The following ENGASE variants were observed in gnomAD, a reference collection of about 807,000 sequenced individuals.
The protein encoded by ENGASE is cytosolic endo-beta-N-acetylglucosaminidase.
In ENGASE, 69 loss-of-function variants were observed where a neutral mutation model predicts 78.5. The observed-to-expected ratio is 0.88, with a 90% confidence interval of 0.72 to 1.07. The LOEUF is 1.07. Ranked by LOEUF, ENGASE falls within the 50% of genes least tolerant of loss-of-function variation. The pLI is 0.00. For missense variants in ENGASE, 943 were observed against 988.4 expected (o/e 0.95, Z 0.62); for synonymous variants, 408 against 408.9 (o/e 1.00, Z 0.03).
At position 79,085,699 on chromosome 17, in the gene ENGASE, G is replaced by A; in HGVS notation, c.1780G>A (p.Glu594Lys). The change falls in exon 13 of 14, where the codon GAG becomes AAG. Residue 594 changes from glutamate to lysine, a missense_variant. Transcript: ENST00000579016. Reference sequence around the variant, plus strand: ...CTCACGGCCGCCGGGTAGTCGGGAGGAGGAGAGCTTCACCTGTCGGCTTGG... The same window carrying A: ...CTCACGGCCGCCGGGTAGTCGGGAGAAGGAGAGCTTCACCTGTCGGCTTGG... The part of the protein sequence containing the change: ...CFSRPPGSRE[E>K]ESFTCRLGEI... The A allele has an allele frequency of 3.1e-6, 5 of 1,613,964 alleles. No individual in the cohort carries two copies. The highest frequency in any genetic ancestry group is 1.7e-4 in the Middle Eastern group (1 of 6,060).
In ENGASE at chr17:79,085,246, C is replaced by G. The variant is rs1041034632; in HGVS notation, c.1604C>G (p.Ser535Ter). Residue 535 changes from serine (S) to a stop codon, truncating the protein, a stop_gained, in exon 12 of 14, where the codon TCA (serine) becomes TGA (stop). Transcript: ENST00000579016. LOFTEE classifies it high-confidence loss of function. ...GISVLNAETS[S>*]RHSLRPLRVP... ...TCTCCTTCTGCAGCAGAAACAAGCT[C>G]AAGACACAGCCTCCGACCCCTCCGG... 6.2e-7 allele frequency: 1 copy of G among 1,613,436 alleles called. No individual in the cohort carries two copies. Among genetic ancestry groups the G allele is most frequent in the Middle Eastern group, 1.6e-4 (1 of 6,062 alleles).
intron 13 of ENGASE, 45 bp from the exon 14 acceptor site, chr17:79,085,888 C>T (rs758412920): frequency 1.3e-6 from 2 of 1,573,760 alleles, no homozygotes; most frequent in Admixed American, 1.7e-5. Flanking sequence ...GCACCCTCTC[C>T]CCGCCCCCGG....
At position 79,087,422 on chromosome 17, in the gene ENGASE, T is replaced by G; in HGVS notation, c.*1073T>G. The G allele has an allele frequency of 9.1e-6, 2 of 220,854 alleles. No individual in the cohort carries two copies. The highest frequency in any genetic ancestry group is 1.9e-5 in the Non-Finnish European group (2 of 106,760). The allele number at this position is 220,854 out of a possible 1,614,324, so 13.7% of individuals were successfully genotyped here. A position where few individuals can be genotyped will look rare whatever the true frequency, so the allele number is the denominator to read the frequency against. On this transcript the variant is annotated 3_prime_UTR_variant, in exon 14 of 14. Coordinates refer to ENST00000579016, the MANE Select transcript of ENGASE (RefSeq NM_001042573.3). The stretch of plus-strand genomic sequence containing the variant: ...CACCACAGGCGCCTTCCTCTGTCCT[T>G]CCTGCTCTTTCTTCTCTGCCCAGGC...
In ENGASE at chr17:79,077,462, G is replaced by C. The variant is rs201772444; in HGVS notation, c.179G>C (p.Arg60Pro). 8 of 1,577,630 alleles carry C rather than the reference G, an allele frequency of 5.1e-6. No individual in the cohort carries two copies. In the South Asian group the frequency reaches 7.1e-5, roughly 14 times the overall value. ...IKDEEEETVF[R>P]EVVSFSPDPL... is the part of the protein sequence containing the mutation. ...GATGAAGAAGAAGAGACAGTCTTTC[G>C]AGAGGTGGTCAGTTTTTCCCCGGAC... Residue 60 changes from arginine (R) to proline (P), a missense_variant, in exon 2 of 14, where the codon CGA becomes CCA. Physicochemically the swap from Arg to Pro is moderately radical, Grantham distance 103. Transcript: ENST00000579016.
In ENGASE at chr17:79,074,988, G is replaced by A; in HGVS notation, c.44G>A (p.Arg15Gln). The A allele has an allele frequency of 8.1e-7, 1 of 1,229,818 alleles. No individual in the cohort carries two copies. Among genetic ancestry groups the A allele is most frequent in the Non-Finnish European group, 1.0e-6 (1 of 985,498 alleles). 76.2% of individuals were successfully genotyped at this position (1,229,818 alleles called of 1,614,324 possible). Residue 15 changes from arginine (R) to glutamine (Q), a missense_variant, in exon 1 of 14, where the codon CGG becomes CAG. By Grantham distance (43) the Arg-to-Gln change is conservative (BLOSUM62 1). Coordinates refer to ENST00000579016, the MANE Select transcript of ENGASE (RefSeq NM_001042573.3). ...AVTVTRSATR[R>Q]RRRQLQGLAA... ...ACGGTCACCCGGTCGGCTACACGGC[G>A]GCGGCGGCGGCAGCTGCAGGGGCTG...
chr17:79,087,220 C>G lies in ENGASE; in HGVS notation c.*871C>G. 1 of 360,384 alleles carries G rather than the reference C, an allele frequency of 2.8e-6. No individual in the cohort carries two copies. Among genetic ancestry groups the G allele is most frequent in the Non-Finnish European group, 5.6e-6 (1 of 179,478 alleles). The allele number at this position is 360,384 out of a possible 1,614,324, so 22.3% of individuals were successfully genotyped here. A position where few individuals can be genotyped will look rare whatever the true frequency, so the allele number is the denominator to read the frequency against. On this transcript the variant is annotated 3_prime_UTR_variant, in exon 14 of 14. Coordinates refer to ENST00000579016, the MANE Select transcript of ENGASE (RefSeq NM_001042573.3). ...CAGGAAGCAGCACCTGCCCCCCGCG[C>G]CAGCCCAGCCCCAGCCTGAGTGCAG...
At position 79,079,608 on chromosome 17, in the gene ENGASE, C is replaced by T; in HGVS notation, c.536C>T (p.Thr179Ile). 1 of 1,613,966 alleles carries T rather than the reference C, an allele frequency of 6.2e-7. No homozygotes were observed. The highest frequency in any genetic ancestry group is 8.5e-7 in the Non-Finnish European group (1 of 1,179,996). ...VTIPPVGWTN[T>I]AHRHGVCVLG... ...ATTCCCCCAGTGGGCTGGACCAACA[C>T]TGCCCACAGGCATGGGGTCTGCGTG... The change falls in exon 4 of 14, where the codon ACT (threonine) becomes ATT (isoleucine). Residue 179 changes from threonine (T) to isoleucine (I), a missense_variant. Coordinates refer to ENST00000579016, the MANE Select transcript of ENGASE (RefSeq NM_001042573.3).
At position 79,086,516 on chromosome 17, in the gene ENGASE, G is replaced by A; in HGVS notation, c.*167G>A. The A allele has an allele frequency of 2.5e-6, 2 of 792,704 alleles. No individual in the cohort carries two copies. The highest frequency in any genetic ancestry group is 3.9e-6 in the Non-Finnish European group (2 of 515,400). 49.1% of individuals were successfully genotyped at this position (792,704 alleles called of 1,614,324 possible). On this transcript the variant is annotated 3_prime_UTR_variant, in exon 14 of 14. Transcript: ENST00000579016. ...CTGAGTGCTGTGGCTTTCTGGTGGG[G>A]GGCGATGGAAACAGGAAACCAAGCA...
rs527984991 is a variant in ENGASE at position 79,081,005 on chromosome 17, G to A, written c.804G>A (p.Val268=). 1.9e-6 allele frequency: 3 copies of A among 1,612,884 alleles called. No individual in the cohort carries two copies. Among genetic ancestry groups the A allele is most frequent in the South Asian group, 1.1e-5 (1 of 91,010 alleles). Residue 268 remains valine, a synonymous_variant, in exon 6 of 14, where the codon GTG becomes GTA. Transcript: ENST00000579016. ...QLHRQVPGGL[V]LWYDSVVQSG... is the part of the protein sequence containing the mutation. ...ACCGGCAGGTCCCAGGGGGCCTGGT[G>A]CTCTGGTATGACAGCGTGGTGCAAA...
chr17:79,082,824 G>A (rs770424184), intron 7 of ENGASE, 196 bp from the exon 8 acceptor site: 7 of 1,518,638 alleles, frequency 4.6e-6, no homozygotes, highest in South Asian at 1.2e-5. Context: ...CCTCTCCCGC[G>A]CCCTCTTCTG....
chr17:79,080,630 G>A (rs547962944), intron 5 of ENGASE, among the ~76,000 whole-genome samples: 3 of 152,264 alleles, frequency 2.0e-5, no homozygotes, highest in East Asian at 1.9e-4. Context: ...TTCCTTTTCC[G>A]CGCTCTGCTC....
At chr17:79,085,524 T>A in intron 12 of ENGASE, 96 bp from the exon 13 acceptor site, 2 of 1,529,572 alleles carry the variant, frequency 1.3e-6, no homozygotes, top group Non-Finnish European at 1.8e-6. Context: ...GACCCTGGGA[T>A]GCATCTCCCT....
Position 79,081,762 on chromosome 17 carries a change from G to GGGGTA in ENGASE, c.873-132_873-131insAGGGT, listed in dbSNP as rs1444599553. Reference sequence around the variant, plus strand: ...AGGCTGAGGCTGTGTGGGGTGGGGTGGGGTGGGGTGGGGTGGGGTGGGGTG... The same window carrying GGGGTA: ...AGGCTGAGGCTGTGTGGGGTGGGGTGGGGTAGGGTGGGGTGGGGTGGGGTGGGGTG... On this transcript the variant is annotated intron_variant, in intron 6 of 13. Coordinates refer to ENST00000579016, the MANE Select transcript of ENGASE (RefSeq NM_001042573.3). 5 of 994,208 alleles carry GGGGTA rather than the reference G, an allele frequency of 5.0e-6. No individual in the cohort carries two copies. The African/African-American group carries it at 8.6e-5, about 17-fold the overall frequency. The allele number at this position is 994,208 out of a possible 1,614,324, so 61.6% of individuals were successfully genotyped here. A position where few individuals can be genotyped will look rare whatever the true frequency, so the allele number is the denominator to read the frequency against.
rs984403630 is a variant in ENGASE at position 79,088,262 on chromosome 17, G to C, written c.*1913G>C. The C allele has an allele frequency of 1.3e-5, 2 of 152,220 alleles. No individual in the cohort carries two copies. Among genetic ancestry groups the C allele is most frequent in the African/African-American group, 4.8e-5 (2 of 41,436 alleles). 9.4% of individuals were successfully genotyped at this position (152,220 alleles called of 1,614,324 possible). Reference sequence around the variant, plus strand: ...CCAGGAAGGGGCTCCTGGCCTCTCTGTGTCCTCTGCAGTGGGGGTTGTGGG... The same window carrying C: ...CCAGGAAGGGGCTCCTGGCCTCTCTCTGTCCTCTGCAGTGGGGGTTGTGGG... On this transcript the variant is annotated 3_prime_UTR_variant, in exon 14 of 14. Transcript: ENST00000579016.
chr17:79,078,706 T>G (rs1052064836), intron 3 of ENGASE, among the ~76,000 whole-genome samples: 1 of 152,192 alleles, frequency 6.6e-6, no homozygotes, highest in Non-Finnish European at 1.5e-5. Context: ...CTGTGATTGA[T>G]GGGAAGGCTT....
Position 79,074,900 on chromosome 17 carries a change from C to T in ENGASE, c.-45C>T, listed in dbSNP as rs762556011. The T allele has an allele frequency of 8.0e-7, 1 of 1,248,060 alleles. No individual in the cohort carries two copies. The allele number at this position is 1,248,060 out of a possible 1,614,324, so 77.3% of individuals were successfully genotyped here. Reference sequence around the variant, plus strand: ...CCATTGGCCGAGCGCGGCGCGGGGGCGGGCCCGGGCCTGCGATTGCCTCTC... The same window carrying T: ...CCATTGGCCGAGCGCGGCGCGGGGGTGGGCCCGGGCCTGCGATTGCCTCTC... On this transcript the variant is annotated 5_prime_UTR_variant, in exon 1 of 14. Coordinates refer to ENST00000579016, the MANE Select transcript of ENGASE (RefSeq NM_001042573.3).
At position 79,084,582 on chromosome 17, in the gene ENGASE, C is replaced by T; in HGVS notation, c.1487C>T (p.Ser496Phe). 1 of 1,605,762 alleles carries T rather than the reference C, an allele frequency of 6.2e-7. No homozygotes were observed. The highest frequency in any genetic ancestry group is 2.2e-5 in the East Asian group (1 of 44,472). ...QAPVPPKIYL[S>F]MVYKLEGPTD... is the part of the protein sequence containing the mutation. ...CCAGTGCCACCCAAGATTTACCTGTCCATGGTGTATAAGCTTGAGGGGCCC... is the reference window on the plus strand; with the variant it reads ...CCAGTGCCACCCAAGATTTACCTGTTCATGGTGTATAAGCTTGAGGGGCCC... The change falls in exon 11 of 14, where the codon TCC becomes TTC. Residue 496 changes from serine (S) to phenylalanine (F), a missense_variant. Physicochemically the swap from Ser to Phe is radical, Grantham distance 155. Coordinates refer to ENST00000579016, the MANE Select transcript of ENGASE (RefSeq NM_001042573.3).
intron 3 of ENGASE, among the ~76,000 whole-genome samples, chr17:79,078,294 T>C (rs920519230): frequency 1.3e-5 from 2 of 152,102 alleles, no homozygotes; most frequent in African/African-American, 2.4e-5. Flanking sequence ...GAGCCAAGAT[T>C]GCACTACTGC....
chr17:79,080,806 T>C (rs2073110201), intron 5 of ENGASE, 119 bp from the exon 6 acceptor site: 2 of 1,381,362 alleles, frequency 1.4e-6, no homozygotes, highest in African/African-American at 1.5e-5. Context: ...CTTTCAGAAC[T>C]GCAGCTTCGC....
Sources: allele counts gnomAD v4.1 joint callset (sites outside exome capture counted in the v4.1 genomes callset), GRCh38; gene constraint gnomAD v4.1.1; transcripts MANE v1.5; gene names NCBI Gene and HGNC (gene_info 2026-07-23, HGNC 2026-07-21).